UNC5A: variants seen among roughly 807,000 people sequenced by gnomAD.
The protein encoded by UNC5A is netrin receptor UNC5A.
In UNC5A, 20 loss-of-function variants were observed where a neutral mutation model predicts 87.4. That is an observed-to-expected ratio of 0.23 (90% CI 0.16 to 0.33). The LOEUF is 0.33. Ranked by LOEUF, UNC5A falls within the 10% of genes least tolerant of loss-of-function variation. UNC5A has a pLI of 1.00. For missense variants in UNC5A, 844 were observed against 1,133.4 expected (o/e 0.74, Z 3.67); for synonymous variants, 438 against 482.3 (o/e 0.91, Z 1.20).
rs1758374956 is a variant in UNC5A at position 176,879,888 on chromosome 5, G to C, written c.*2G>C. On this transcript the variant is annotated 3_prime_UTR_variant, in exon 15 of 15. Transcript: ENST00000329542. ...ACAGTGTCGGAGGCTGAGTGCTGAG[G>C]CCGGCCAGGCCCGACACCTACACTC... 2 of 1,591,330 alleles carry C rather than the reference G, an allele frequency of 1.3e-6. No individual in the cohort carries two copies. Among genetic ancestry groups the C allele is most frequent in the Non-Finnish European group, 1.7e-6 (2 of 1,169,068 alleles).
Position 176,869,523 on chromosome 5 carries a change from A to G in UNC5A, c.721+559A>G, listed in dbSNP as rs1226166190. Reference sequence around the variant, plus strand: ...GCCACAGCCCACCCGTGTCCAGCTCACAGCCCCTCTGCCCTCACGCCCCGT... The same window carrying G: ...GCCACAGCCCACCCGTGTCCAGCTCGCAGCCCCTCTGCCCTCACGCCCCGT... On this transcript the variant is annotated intron_variant, in intron 5 of 14. Transcript: ENST00000329542. The surrounding 1 kb of genome is among the most constrained non-coding windows in gnomAD (Gnocchi z 9.1). 1.6e-6 allele frequency: 1 copy of G among 621,456 alleles called. No homozygotes were observed. The highest frequency in any genetic ancestry group is 2.8e-5 in the East Asian group (1 of 35,294). 38.5% of individuals were successfully genotyped at this position (621,456 alleles called of 1,614,324 possible). A position where few individuals can be genotyped will look rare whatever the true frequency, so the allele number is the denominator to read the frequency against.
chr5:176,825,660 G>A (rs1756833800), intron 1 of UNC5A, among the ~76,000 whole-genome samples: 1 of 152,196 alleles, frequency 6.6e-6, no homozygotes, highest in Non-Finnish European at 1.5e-5. Context: ...GAAAGCTCTC[G>A]ATGGGTAGCT....
At chr5:176,813,733 G>A (rs1756524132) in intron 1 of UNC5A, among the ~76,000 whole-genome samples, 1 of 152,202 alleles carries the variant, frequency 6.6e-6, no homozygotes, top group South Asian at 2.1e-4. Context: ...CTGTCCTCAC[G>A]ACCCTTCTTC....
chr5:176,822,411 A>G (rs556007361), intron 1 of UNC5A, among the ~76,000 whole-genome samples: 3 of 152,348 alleles, frequency 2.0e-5, no homozygotes, highest in African/African-American at 4.8e-5. Context: ...GTGGGCGTCA[A>G]GGGCAGGGCC....
At chr5:176,847,004 G>A (rs75492309) in intron 1 of UNC5A, among the ~76,000 whole-genome samples, 33 of 152,194 alleles carry the variant, frequency 2.2e-4, no homozygotes, top group South Asian at 6.2e-4. Flanking sequence ...CACAGGGAGC[G>A]CCCCCGTCAA....
chr5:176,867,846 G>C (rs1455063343), intron 2 of UNC5A, among the ~76,000 whole-genome samples: 4 of 152,006 alleles, frequency 2.6e-5, no homozygotes, highest in Non-Finnish European at 5.9e-5. Flanking sequence ...GTGACTCCGG[G>C]GAGTCAGGCC....
intron 14 of UNC5A, 106 bp from the exon 15 acceptor site, chr5:176,879,615 A>C: frequency 6.5e-7 from 1 of 1,550,272 alleles, no homozygotes. Flanking sequence ...CGGGGCAGTC[A>C]TTGTGTTTGG....
At position 176,810,879 on chromosome 5, in the gene UNC5A, C is replaced by G. The variant is rs1756434324; in HGVS notation, c.70+59C>G. 1.1e-5 allele frequency: 13 copies of G among 1,196,148 alleles called. No homozygotes were observed. The highest frequency in any genetic ancestry group is 1.2e-5 in the Non-Finnish European group (12 of 963,864). The allele number at this position is 1,196,148 out of a possible 1,614,324, so 74.1% of individuals were successfully genotyped here. A position where few individuals can be genotyped will look rare whatever the true frequency, so the allele number is the denominator to read the frequency against. On this transcript the variant is annotated intron_variant, in intron 1 of 14. Transcript: ENST00000329542. The surrounding 1 kb of genome is among the most constrained non-coding windows in gnomAD (Gnocchi z 7.3). ...GCGGGGGACCGTGCGCGCGAACGCT[C>G]GCTGCTCTGGGGGTCCCTGACCAGC...
chr5:176,834,701 C>CTCTCTCTCTCTG (rs1428448502), intron 1 of UNC5A, among the ~76,000 whole-genome samples: 2 of 148,496 alleles, frequency 1.3e-5, no homozygotes, highest in East Asian at 3.9e-4. Flanking sequence ...CTCTCTCTCT[C>CTCTCTCTCTCTG]TCTGTCTCTC....
At chr5:176,818,097 G>C (rs1042188397) in intron 1 of UNC5A, among the ~76,000 whole-genome samples, 16 of 152,216 alleles carry the variant, frequency 1.1e-4, no homozygotes, top group Non-Finnish European at 2.1e-4. Context: ...CTGTAGCCCA[G>C]CTGCAGCCCC....
intron 1 of UNC5A, among the ~76,000 whole-genome samples, chr5:176,858,775 GC>G (rs1386187530): frequency 4.4e-3 from 205 of 47,012 alleles, no homozygotes; most frequent in South Asian, 1.0e-2. Context: ...AGGAAGGAAG[GC>G]AAGCAAGCAG....
intron 1 of UNC5A, among the ~76,000 whole-genome samples, chr5:176,811,810 T>C (rs1225029612): frequency 6.6e-6 from 1 of 152,056 alleles, no homozygotes; most frequent in East Asian, 1.9e-4. Context: ...CGATTCTTGC[T>C]GCCCCTAGAA....
intron 1 of UNC5A, among the ~76,000 whole-genome samples, chr5:176,826,757 C>T (rs191910391): frequency 1.8e-4 from 28 of 151,632 alleles, no homozygotes; most frequent in African/African-American, 6.8e-4. Flanking sequence ...TCTCCTGCCT[C>T]AGCCTCCCGA....
chr5:176,810,931 C>G lies in UNC5A; in HGVS notation c.70+111C>G, dbSNP rs1756436441. The G allele has an allele frequency of 6.1e-6, 6 of 982,698 alleles. No individual in the cohort carries two copies. The highest frequency in any genetic ancestry group is 5.0e-5 in the Admixed American group (1 of 19,976). The allele number at this position is 982,698 out of a possible 1,614,324, so 60.9% of individuals were successfully genotyped here. A position where few individuals can be genotyped will look rare whatever the true frequency, so the allele number is the denominator to read the frequency against. ...CTGCCAGACCCGGCTGGGAGCCCCC[C>G]GAGGCCAAACTTTGCGAGGCGGGAC... On this transcript the variant is annotated intron_variant, in intron 1 of 14. Transcript: ENST00000329542. The surrounding 1 kb of genome is among the most constrained non-coding windows in gnomAD (Gnocchi z 7.3).
At chr5:176,863,079 C>T (rs1011578729) in intron 2 of UNC5A, among the ~76,000 whole-genome samples, 1 of 152,234 alleles carries the variant, frequency 6.6e-6, no homozygotes, top group Non-Finnish European at 1.5e-5. Context: ...TCGGTTCATT[C>T]GATCAGTCAG....
At chr5:176,826,605 A>G (rs1756858824) in intron 1 of UNC5A, among the ~76,000 whole-genome samples, 1 of 147,622 alleles carries the variant, frequency 6.8e-6, no homozygotes, top group African/African-American at 2.5e-5. Context: ...TCACAATGTT[A>G]TGCGACCATC....
At chr5:176,857,424 G>A (rs892005473) in intron 1 of UNC5A, among the ~76,000 whole-genome samples, 18 of 152,058 alleles carry the variant, frequency 1.2e-4, no homozygotes, top group Admixed American at 4.6e-4. Context: ...CATTGCCACC[G>A]GCCCCGGGGA....
Position 176,848,573 on chromosome 5 carries a change from AG to A in UNC5A, c.71-14047del, listed in dbSNP as rs1241392161. On this transcript the variant is annotated intron_variant, in intron 1 of 14. Transcript: ENST00000329542. This position sits in a 1 kb window ranked among gnomAD's most constrained non-coding sequence, Gnocchi z 5.8. ...GGTGAGGGCTCATTCCTGTCTCATC[AG>A]GGGTGTGATGGGAGCGGCCAGACAC... is the stretch of plus-strand genomic sequence containing the variant. Among the ~76,000 whole-genome samples, 1 of 152,150 alleles carries A rather than the reference AG, an allele frequency of 6.6e-6. No individual in the cohort carries two copies. Among genetic ancestry groups the A allele is most frequent in the African/African-American group, 2.4e-5 (1 of 41,434 alleles).
At chr5:176,850,950 T>C (rs539196597) in intron 1 of UNC5A, among the ~76,000 whole-genome samples, 21 of 151,902 alleles carry the variant, frequency 1.4e-4, no homozygotes, top group African/African-American at 4.1e-4. Context: ...CCCAGGACTT[T>C]CCAGTGCTCC....
Sources: gnomAD v4.1 joint callset for allele counts (sites outside exome capture counted in the v4.1 genomes callset) on GRCh38, gnomAD v4.1.1 for gene constraint, Gnocchi (gnomAD v3.1) non-coding constraint, MANE v1.5 for transcripts, NCBI Gene and HGNC (gene_info 2026-07-23, HGNC 2026-07-21) for gene names.